The following TTC39B variants were observed in gnomAD, a reference collection of about 807,000 sequenced individuals.
TTC39B encodes tetratricopeptide repeat domain 39B.
In TTC39B, 92 loss-of-function variants were observed where a neutral mutation model predicts 96.6. That is an observed-to-expected ratio of 0.95 (90% confidence interval 0.80 to 1.13). The LOEUF is 1.13. TTC39B is among the 50% of genes most tolerant of loss of function. The pLI is 0.00. For synonymous variants in TTC39B, 367 were observed against 299.4 expected (o/e 1.23, Z -2.33); for missense variants, 955 against 809.3 (o/e 1.18, Z -2.18).
chr9:15,264,024 T>C (rs902743392), intron 2 of TTC39B, among the ~76,000 whole-genome samples: 1 of 152,192 alleles, frequency 6.6e-6, no homozygotes, highest in Non-Finnish European at 1.5e-5. Context: ...AAGAAACTGC[T>C]GGCAGATAAA....
intron 2 of TTC39B, among the ~76,000 whole-genome samples, chr9:15,236,996 T>C (rs981730664): frequency 1.4e-5 from 2 of 147,812 alleles, no homozygotes; most frequent in African/African-American, 5.2e-5. Flanking sequence ...CTAAATGAGA[T>C]TGAGACAAAA....
At chr9:15,271,322 A>G (rs1823344415) in intron 1 of TTC39B, among the ~76,000 whole-genome samples, 1 of 152,176 alleles carries the variant, frequency 6.6e-6, no homozygotes, top group South Asian at 2.1e-4. Context: ...CAGGATTTTT[A>G]GTGGCGAAAA....
At chr9:15,200,076 G>T in intron 7 of TTC39B, 151 bp from the exon 8 acceptor site, 1 of 483,278 alleles carries the variant, frequency 2.1e-6, no homozygotes. Flanking sequence ...ACATACTCTT[G>T]CTTTACATTT....
At chr9:15,302,768 C>T (rs922636711) in intron 1 of TTC39B, among the ~76,000 whole-genome samples, 2 of 151,946 alleles carry the variant, frequency 1.3e-5, no homozygotes, top group African/African-American at 4.8e-5. Context: ...CGCTTGAACC[C>T]GGGAGGCGGA....
intron 1 of TTC39B, among the ~76,000 whole-genome samples, chr9:15,289,399 A>C (rs1459063454): frequency 6.6e-6 from 1 of 152,234 alleles, no homozygotes; most frequent in Admixed American, 6.5e-5. Context: ...AAATTAATGG[A>C]TGCAAATAAG....
chr9:15,297,487 C>G (rs528229857), intron 1 of TTC39B, among the ~76,000 whole-genome samples: 2 of 152,284 alleles, frequency 1.3e-5, no homozygotes, highest in East Asian at 3.9e-4. Flanking sequence ...GTGGACCACC[C>G]TGTGACAGCC....
rs117272423 is a variant in TTC39B, at chr9:15,225,337, T to C, written c.371+580A>G. 7.6e-3 allele frequency among the ~76,000 whole-genome samples: 1,153 copies of C among 152,300 alleles called. 3 individuals are homozygous for C. Among genetic ancestry groups the C allele is most frequent in the Non-Finnish European group, 0.012 (788 of 68,032 alleles). On this transcript the variant is annotated intron_variant, in intron 3 of 19. Coordinates refer to ENST00000512701, the Ensembl canonical transcript of TTC39B. ...ATAATCAGGATTATAGTAATACATA[T>C]TTCATTCTCTTTGTGCTTTCTATAG...
chr9:15,263,277 G>A (rs75094538), intron 2 of TTC39B, among the ~76,000 whole-genome samples: 1 of 152,126 alleles, frequency 6.6e-6, no homozygotes, highest in African/African-American at 2.4e-5. Context: ...TGTTCACTGA[G>A]CACTTACTAT....
intron 6 of TTC39B, among the ~76,000 whole-genome samples, chr9:15,205,093 T>C (rs1819770351): frequency 6.6e-6 from 1 of 152,204 alleles, no homozygotes; most frequent in Admixed American, 6.5e-5. Flanking sequence ...GTCCCCTCTC[T>C]GCTGGTTTCC....
chr9:15,300,126 A>G (rs974188739), intron 1 of TTC39B, among the ~76,000 whole-genome samples: 5 of 152,180 alleles, frequency 3.3e-5, no homozygotes, highest in African/African-American at 1.2e-4. Context: ...AATTCTGCCC[A>G]AATGCATACC....
At chr9:15,253,085 C>T (rs1052459186) in intron 2 of TTC39B, among the ~76,000 whole-genome samples, 2 of 152,318 alleles carry the variant, frequency 1.3e-5, no homozygotes, top group African/African-American at 4.8e-5. Context: ...ATATGTGTAT[C>T]GTTCCACCCC....
rs988435623 is a variant in TTC39B at position 15,192,667 on chromosome 9, G to A, written c.853C>T (p.Gln285Ter). The stretch of plus-strand genomic sequence containing the variant: ...AATTCCTGCTGAAGTTTGTTCTTCT[G>A]AATTTCATGCAGGATAGAAAGACAT... Residue 285 changes from glutamine (Q) to a stop codon, truncating the protein, a stop_gained, in exon 9 of 20, where the codon CAG becomes TAG. Transcript: ENST00000512701. LOFTEE classifies it high-confidence loss of function. The A allele has an allele frequency of 6.2e-7, 1 of 1,613,920 alleles. No homozygotes were observed. Among genetic ancestry groups the A allele is most frequent in the East Asian group, 2.2e-5 (1 of 44,878 alleles).
chr9:15,192,048 C>A (rs1818887755), intron 9 of TTC39B, among the ~76,000 whole-genome samples: 1 of 152,216 alleles, frequency 6.6e-6, no homozygotes, highest in Non-Finnish European at 1.5e-5. Flanking sequence ...TTTATCACCC[C>A]ACAGGCTATA....
In TTC39B at chr9:15,306,412, A is replaced by C. The variant is rs1824755380; in HGVS notation, c.240+672T>G. 6.6e-6 allele frequency among the ~76,000 whole-genome samples: 1 copy of C among 152,046 alleles called. No homozygotes were observed. Among genetic ancestry groups the C allele is most frequent in the Non-Finnish European group, 1.5e-5 (1 of 67,998 alleles). The stretch of plus-strand genomic sequence containing the variant: ...AAAGGAGGCCGGAGTCGGTTCTCAA[A>C]GTGGTTTCCCTCCGGCCACCACCGA... On this transcript the variant is annotated intron_variant, in intron 1 of 19. Coordinates refer to ENST00000512701, the Ensembl canonical transcript of TTC39B. This position sits in a 1 kb window ranked among gnomAD's most constrained non-coding sequence, Gnocchi z 5.1.
rs569475916 is a variant in TTC39B, at chr9:15,282,013, T to G, written c.241-14065A>C. ...ATTTTATTATGTAGGAAAACAAACT[T>G]TCAATTATACCGTAAAACAAATTAA... On this transcript the variant is annotated intron_variant, in intron 1 of 19. Transcript: ENST00000512701. Among the ~76,000 whole-genome samples the G allele has an allele frequency of 2.9e-4, 44 of 152,218 alleles. 1 individual carries two copies. The South Asian group carries it at 8.9e-3, about 31-fold the overall frequency.
chr9:15,235,342 G>C (rs1821727647), intron 2 of TTC39B, among the ~76,000 whole-genome samples: 1 of 152,148 alleles, frequency 6.6e-6, no homozygotes. Flanking sequence ...ATGGCTTATA[G>C]GCATTCCTGA....
intron 1 of TTC39B, among the ~76,000 whole-genome samples, chr9:15,290,089 C>T (rs559409156): frequency 6.6e-6 from 1 of 152,226 alleles, no homozygotes; most frequent in Non-Finnish European, 1.5e-5. Context: ...ACTTTACTTT[C>T]TCCTGGTGAT....
chr9:15,185,903 T>TAAC (rs935182003), intron 15 of TTC39B, among the ~76,000 whole-genome samples: 1 of 152,142 alleles, frequency 6.6e-6, no homozygotes, highest in African/African-American at 2.4e-5. Context: ...AGCCAACAAT[T>TAAC]AACGTATAAT....
exon 11 of TTC39B, chr9:15,190,603 C>T (rs1363953649): frequency 1.2e-6 from 2 of 1,614,222 alleles, no homozygotes; most frequent in Non-Finnish European, 1.7e-6. Context: ...TTAAGCAGCA[C>T]AGTGCAGACC....
Sources: allele counts gnomAD v4.1 joint callset (sites outside exome capture counted in the v4.1 genomes callset), GRCh38; gene constraint gnomAD v4.1.1; non-coding constraint Gnocchi (gnomAD v3.1); transcripts MANE v1.5; gene names NCBI Gene and HGNC (gene_info 2026-07-23, HGNC 2026-07-21).